GRAMD1C: variants seen among roughly 807,000 people sequenced by gnomAD.
GRAMD1C encodes the protein protein Aster-C.
A neutral mutation model predicts 97.8 loss-of-function variants in GRAMD1C; 89 were observed. The ratio of observed to expected loss-of-function variants is 0.91; its 90% confidence interval spans 0.77 to 1.09. The LOEUF (loss-of-function observed/expected upper bound fraction) is 1.09. GRAMD1C is among the 50% of genes least tolerant of loss of function. GRAMD1C has a pLI of 0.00. For missense variants in GRAMD1C, 740 were observed against 766.4 expected, an observed-to-expected ratio of 0.97 and a Z score of 0.41; for synonymous variants, 256 against 267.0, an observed-to-expected ratio of 0.96 and a Z score of 0.40.
rs1426467984 is a variant in GRAMD1C at position 113,860,997 on chromosome 3, A to G, written c.175-8510A>G. On this transcript the variant is annotated intron_variant, in intron 2 of 17. Transcript: ENST00000358160. Reference sequence around the variant, plus strand: ...AAAAAAAAAAAGAAAACAGAAAAAAATAGACTTGTGTGTTAAGGGAGTAGA... The same window carrying G: ...AAAAAAAAAAAGAAAACAGAAAAAAGTAGACTTGTGTGTTAAGGGAGTAGA... Among the ~76,000 whole-genome samples the G allele has an allele frequency of 3.3e-5, 5 of 151,930 alleles. No homozygotes were observed. In the East Asian group the frequency reaches 9.6e-4, roughly 29 times the overall value.
At position 113,876,279 on chromosome 3, in the gene GRAMD1C, T is replaced by G; in HGVS notation, c.459+19T>G. The G allele has an allele frequency of 7.9e-7, 1 of 1,269,326 alleles. No individual in the cohort carries two copies. Among genetic ancestry groups the G allele is most frequent in the South Asian group, 1.2e-5 (1 of 81,746 alleles). The allele number at this position is 1,269,326 out of a possible 1,614,324, so 78.6% of individuals were successfully genotyped here. ...TGAAAAGGTGAAAACTTTCCTATCT[T>G]TGTTATATTACATAATGTGAAGAAA... On this transcript the variant is annotated intron_variant, in intron 5 of 17. Transcript: ENST00000358160.
intron 10 of GRAMD1C, 71 bp from the exon 11 acceptor site, chr3:113,930,643 C>T: frequency 1.2e-6 from 1 of 802,010 alleles, no homozygotes; most frequent in Non-Finnish European, 2.2e-6. Context: ...TTCAGAAGCT[C>T]CTTTGATTTC....
intron 6 of GRAMD1C, among the ~76,000 whole-genome samples, chr3:113,883,526 A>C (rs75605126): frequency 1.4e-5 from 2 of 145,742 alleles, no homozygotes; most frequent in African/African-American, 5.2e-5. Context: ...TCCTGTTTCA[A>C]AAAAAAAAAA....
chr3:113,941,304 A>G (rs1157883900), intron 17 of GRAMD1C, among the ~76,000 whole-genome samples: 1 of 152,030 alleles, frequency 6.6e-6, no homozygotes. Context: ...ATCACTCTTG[A>G]TTCTTTAATC....
chr3:113,919,147 C>T, intron 10 of GRAMD1C: 1 of 230,580 alleles, frequency 4.3e-6, no homozygotes, highest in Non-Finnish European at 8.7e-6. Context: ...GGGTGCTGAG[C>T]AGAAGGAGCT....
Position 113,858,393 on chromosome 3 carries a change from C to CGTTTTTTTT in GRAMD1C, c.175-11114_175-11113insGTTTTTTTT, listed in dbSNP as rs200917151. 2.6e-5 allele frequency among the ~76,000 whole-genome samples: 2 copies of CGTTTTTTTT among 76,608 alleles called. 1 individual carries two copies. The highest frequency in any genetic ancestry group is 4.4e-5 in the Non-Finnish European group (2 of 45,470). The allele number at this position is 76,608 out of a possible 152,430, so 50.3% of individuals were successfully genotyped here. A position where few individuals can be genotyped will look rare whatever the true frequency, so the allele number is the denominator to read the frequency against. On this transcript the variant is annotated intron_variant, in intron 2 of 17. Transcript: ENST00000358160. ...GATTACAGGCATGTAATCCCAGCTA[C>CGTTTTTTTT]ATTTTTTTTTTTTTTTTTTTGAGAC...
Position 113,936,096 on chromosome 3 carries a change from G to T in GRAMD1C, c.1457-170G>T, listed in dbSNP as rs112972654. 3.6e-3 allele frequency among the ~76,000 whole-genome samples: 544 copies of T among 152,126 alleles called. 6 individuals carry two copies. Among genetic ancestry groups the T allele is most frequent in the African/African-American group, 0.012 (515 of 41,464 alleles). On this transcript the variant is annotated intron_variant, in intron 13 of 17. Transcript: ENST00000358160. The stretch of plus-strand genomic sequence containing the variant: ...CCTGGAATAATGAAACCTCATTATG[G>T]GGTCACTGTACTCTCTAAAGCTTTT...
chr3:113,886,536 A>C (rs575327509), intron 6 of GRAMD1C, among the ~76,000 whole-genome samples: 1 of 151,490 alleles, frequency 6.6e-6, no homozygotes. Flanking sequence ...CTTTCCTTCT[A>C]TTTTTCTCTC....
chr3:113,934,489 T>C lies in GRAMD1C; in HGVS notation c.1410T>C (p.Ile470=), dbSNP rs934316713. ...KQPWGLVKSL[I]EKNSWSSLED... ...CATGGGGCCTTGTCAAATCTTTAATTGAAAAGAATTCCTGGAGTTCTTTGG... is the reference window on the plus strand; with the variant it reads ...CATGGGGCCTTGTCAAATCTTTAATCGAAAAGAATTCCTGGAGTTCTTTGG... Residue 470 remains isoleucine, a synonymous_variant, in exon 13 of 18, where the codon ATT becomes ATC. Transcript: ENST00000358160. The C allele has an allele frequency of 6.3e-7, 1 of 1,591,382 alleles. No individual in the cohort carries two copies. Among genetic ancestry groups the C allele is most frequent in the Non-Finnish European group, 8.6e-7 (1 of 1,164,862 alleles).
intron 8 of GRAMD1C, among the ~76,000 whole-genome samples, chr3:113,904,982 G>A (rs958048500): frequency 6.6e-5 from 10 of 152,176 alleles, no homozygotes; most frequent in Middle Eastern, 6.8e-3. Context: ...TTACAGGCAC[G>A]TGCCACCACG....
In GRAMD1C at chr3:113,934,423, T is replaced by G. The variant is rs755792928; in HGVS notation, c.1353-9T>G. 1.6e-6 allele frequency: 2 copies of G among 1,239,210 alleles called. No individual in the cohort carries two copies. The highest frequency in any genetic ancestry group is 2.3e-6 in the Non-Finnish European group (2 of 859,744). The allele number at this position is 1,239,210 out of a possible 1,614,324, so 76.8% of individuals were successfully genotyped here. On this transcript the variant is annotated splice_polypyrimidine_tract_variant and intron_variant, in intron 12 of 17. Coordinates refer to ENST00000358160, the MANE Select transcript of GRAMD1C (RefSeq NM_017577.5). The stretch of plus-strand genomic sequence containing the variant: ...TTAAATAAATATTCTTTCCTTCTTA[T>G]TCTACTAGAGTTTCCACAGATTTGA...
chr3:113,872,391 CTTTTTTTTTTTTTTT>C (rs777339692), intron 3 of GRAMD1C, among the ~76,000 whole-genome samples: 1 of 117,440 alleles, frequency 8.5e-6, no homozygotes, highest in Non-Finnish European at 1.7e-5. Flanking sequence ...TCTTTTTTTT[CTTTTTTTTTTTTTTT>C]TTTTTTGAGA....
chr3:113,894,129 A>T (rs1935842715), intron 6 of GRAMD1C, among the ~76,000 whole-genome samples: 1 of 152,224 alleles, frequency 6.6e-6, no homozygotes, highest in Non-Finnish European at 1.5e-5. Flanking sequence ...ATGTAAGGTT[A>T]TCAGTAGTAA....
intron 7 of GRAMD1C, among the ~76,000 whole-genome samples, chr3:113,903,700 C>G (rs1287409120): frequency 6.6e-6 from 1 of 151,748 alleles, no homozygotes; most frequent in Non-Finnish European, 1.5e-5. Context: ...TGAGCGTCCA[C>G]TTCTGGGAGG....
intron 3 of GRAMD1C, among the ~76,000 whole-genome samples, chr3:113,872,044 C>G (rs982050709): frequency 2.0e-5 from 3 of 152,090 alleles, no homozygotes; most frequent in African/African-American, 7.2e-5. Context: ...CTAGACAGCT[C>G]AGCTCAATAA....
At chr3:113,850,369 G>C in intron 2 of GRAMD1C, 1 of 795,004 alleles carries the variant, frequency 1.3e-6, no homozygotes, top group Non-Finnish European at 2.2e-6. Context: ...TATCTCTGTC[G>C]GCTTCCCCTT....
At chr3:113,945,304 TAA>T (rs899434819) in intron 17 of GRAMD1C, 92 bp from the exon 18 acceptor site, 21 of 735,392 alleles carry the variant, frequency 2.9e-5, no homozygotes, top group East Asian at 1.5e-4. Flanking sequence ...AAAACTATAT[TAA>T]GTGTCACTGT....
chr3:113,944,903 A>G (rs895692428), intron 17 of GRAMD1C, among the ~76,000 whole-genome samples: 2 of 152,244 alleles, frequency 1.3e-5, no homozygotes, highest in African/African-American at 2.4e-5. Flanking sequence ...GACAAAGATT[A>G]CAAAATTCAG....
intron 6 of GRAMD1C, among the ~76,000 whole-genome samples, chr3:113,891,609 G>A (rs935882366): frequency 1.3e-5 from 2 of 151,920 alleles, no homozygotes; most frequent in African/African-American, 4.8e-5. Flanking sequence ...GGCCAAGCAT[G>A]GTGACTCATG....
Sources: allele counts gnomAD v4.1 joint callset (sites outside exome capture counted in the v4.1 genomes callset), GRCh38; gene constraint gnomAD v4.1.1; transcripts MANE v1.5; gene names NCBI Gene and HGNC (gene_info 2026-07-23, HGNC 2026-07-21).